PSAT1: variants seen among roughly 807,000 people sequenced by gnomAD.
PSAT1 encodes the protein phosphoserine aminotransferase.
A neutral mutation model predicts 40.3 loss-of-function variants in PSAT1; 41 were observed. The ratio of observed to expected loss-of-function variants is 1.02; its 90% CI spans 0.79 to 1.32. The LOEUF (loss-of-function observed/expected upper bound fraction) is 1.32. PSAT1 is among the 40% of genes most tolerant of loss of function. The pLI, the probability that PSAT1 is intolerant of heterozygous loss-of-function variation, is 0.00. For synonymous variants in PSAT1, 147 were observed against 170.5 expected (o/e 0.86, Z 1.07); for missense variants, 406 against 455.8 (o/e 0.89, Z 0.99).
chr9:78,328,181 G>C lies in PSAT1; in HGVS notation c.1000G>C (p.Gly334Arg). ...TGAACTCAATATGTTGTCCTTGAAAGGGCATAGGTGAGTACATCTGCAATG... is the reference window on the plus strand; with the variant it reads ...TGAACTCAATATGTTGTCCTTGAAACGGCATAGGTGAGTACATCTGCAATG... ...ALELNMLSLKGHRSVGGIRAS... is the reference protein window; with the variant it reads ...ALELNMLSLKRHRSVGGIRAS... Residue 334 changes from glycine to arginine, a missense_variant, in exon 8 of 9, where the codon GGG becomes CGG. Coordinates refer to ENST00000376588, the MANE Select transcript of PSAT1 (RefSeq NM_058179.4). 6.2e-7 allele frequency: 1 copy of C among 1,613,990 alleles called. No homozygotes were observed. The highest frequency in any genetic ancestry group is 8.5e-7 in the Non-Finnish European group (1 of 1,180,018).
intron 7 of PSAT1, among the ~76,000 whole-genome samples, chr9:78,324,831 A>G (rs1828474336): frequency 6.6e-6 from 1 of 151,924 alleles, no homozygotes; most frequent in African/African-American, 2.4e-5. Context: ...CACCTTCCAC[A>G]CCGGCCCGTC....
intron 1 of PSAT1, among the ~76,000 whole-genome samples, chr9:78,300,222 T>C (rs1377181981): frequency 6.6e-6 from 1 of 152,116 alleles, no homozygotes; most frequent in Non-Finnish European, 1.5e-5. Flanking sequence ...GAAAATTGAG[T>C]TACCTGTATA....
intron 6 of PSAT1, among the ~76,000 whole-genome samples, chr9:78,315,270 G>C (rs75646838): frequency 2.0e-5 from 3 of 152,194 alleles, no homozygotes; most frequent in African/African-American, 4.8e-5. Flanking sequence ...AGTCAGACAG[G>C]CTAGAGTTGG....
intron 7 of PSAT1, among the ~76,000 whole-genome samples, chr9:78,326,955 A>ATATATATATATATATATTTTTT: frequency 1.3e-5 from 1 of 75,960 alleles, no homozygotes; most frequent in African/African-American, 9.5e-5. Flanking sequence ...ATATATATAT[A>ATATATATATATATATATTTTTT]TTTTTTTTTT....
At chr9:78,299,208 C>T (rs1419670450) in intron 1 of PSAT1, among the ~76,000 whole-genome samples, 1 of 69,240 alleles carries the variant, frequency 1.4e-5, no homozygotes, top group Non-Finnish European at 2.8e-5. Flanking sequence ...CATTCTTCAA[C>T]TGGAAAAAAA....
intron 7 of PSAT1, among the ~76,000 whole-genome samples, chr9:78,319,502 G>A (rs529118090): frequency 3.9e-5 from 6 of 152,374 alleles, no homozygotes; most frequent in Non-Finnish European, 1.5e-5. Flanking sequence ...CAGGCTGGGG[G>A]CTCAGTGCTG....
intron 6 of PSAT1, among the ~76,000 whole-genome samples, chr9:78,314,076 A>G (rs984852505): frequency 1.3e-5 from 2 of 152,254 alleles, no homozygotes; most frequent in Non-Finnish European, 2.9e-5. Context: ...ATGAAGGCAT[A>G]AGTCTTAAAA....
chr9:78,304,408 C>T (rs979513975), intron 3 of PSAT1, among the ~76,000 whole-genome samples: 1 of 152,184 alleles, frequency 6.6e-6, no homozygotes, highest in African/African-American at 2.4e-5. Flanking sequence ...TCCCCTTGAG[C>T]CAGGGTTGAC....
chr9:78,301,966 G>C lies in PSAT1; in HGVS notation c.134G>C (p.Arg45Thr). Residue 45 changes from arginine (R) to threonine (T), a missense_variant, in exon 3 of 9, where the codon AGG becomes ACG. By Grantham distance (71) the Arg-to-Thr change is moderately conservative. Transcript: ENST00000376588. ...VGISVLEMSHRSSDFAKIINN... is the reference protein window; with the variant it reads ...VGISVLEMSHTSSDFAKIINN... ...TTTCCTTTCACAGAAATGAGTCACA[G>C]GTCATCAGATTTTGCCAAGATTATT... The C allele has an allele frequency of 6.2e-7, 1 of 1,610,328 alleles. No individual in the cohort carries two copies. Among genetic ancestry groups the C allele is most frequent in the Non-Finnish European group, 8.5e-7 (1 of 1,176,722 alleles).
At chr9:78,325,949 T>G (rs1359500437) in intron 7 of PSAT1, among the ~76,000 whole-genome samples, 1 of 152,234 alleles carries the variant, frequency 6.6e-6, no homozygotes, top group East Asian at 1.9e-4. Context: ...TTAAATGTGC[T>G]TTTTGTTGCT....
chr9:78,311,955 G>C (rs1330875255), intron 6 of PSAT1, among the ~76,000 whole-genome samples: 4 of 152,246 alleles, frequency 2.6e-5, no homozygotes, highest in Admixed American at 6.5e-5. Context: ...CCCCTCCCCA[G>C]TCCGTGATGT....
Position 78,308,418 on chromosome 9 carries a change from G to T in PSAT1, c.575G>T (p.Gly192Val). 1.2e-6 allele frequency: 2 copies of T among 1,613,374 alleles called. No homozygotes were observed. Among genetic ancestry groups the T allele is most frequent in the South Asian group, 1.1e-5 (1 of 91,016 alleles). ...LSKPVDVSKF[G>V]VIFAGAQKNV... ...GCATGTCTTTCTCTTTTTAAGTTTGGTGTGATTTTTGCTGGTGCCCAGAAG... is the reference window on the plus strand; with the variant it reads ...GCATGTCTTTCTCTTTTTAAGTTTGTTGTGATTTTTGCTGGTGCCCAGAAG... The change falls in exon 6 of 9, where the codon GGT (glycine) becomes GTT (valine). Residue 192 changes from glycine to valine, a missense_variant. By Grantham distance (109) the Gly-to-Val change is moderately radical (BLOSUM62 -3). Transcript: ENST00000376588.
At chr9:78,325,933 G>C (rs1411918) in intron 7 of PSAT1, among the ~76,000 whole-genome samples, 65,260 of 152,000 alleles carry the variant, frequency 0.43, 15,234 homozygotes, top group African/African-American at 0.6. Context: ...ATTTTTTTCT[G>C]TTAAGTTAAA....
At chr9:78,316,972 C>G (rs572972827) in intron 6 of PSAT1, among the ~76,000 whole-genome samples, 1 of 151,844 alleles carries the variant, frequency 6.6e-6, no homozygotes, top group Non-Finnish European at 1.5e-5. Flanking sequence ...ATGGGCAAGG[C>G]GCTCTGGGAG....
At chr9:78,325,438 T>C (rs1049001142) in intron 7 of PSAT1, among the ~76,000 whole-genome samples, 2 of 152,222 alleles carry the variant, frequency 1.3e-5, no homozygotes, top group South Asian at 2.1e-4. Flanking sequence ...CTGTAGGTCT[T>C]CCAGCCACCC....
At chr9:78,301,864 T>C (rs1488344851) in intron 2 of PSAT1, 90 bp from the exon 3 acceptor site, 1 of 991,910 alleles carries the variant, frequency 1.0e-6, no homozygotes, top group African/African-American at 1.6e-5. Context: ...TTCCCTGTAT[T>C]GTTGTTTACT....
chr9:78,299,602 T>G (rs1828078465), intron 1 of PSAT1, among the ~76,000 whole-genome samples: 1 of 139,182 alleles, frequency 7.2e-6, no homozygotes, highest in Non-Finnish European at 1.5e-5. Context: ...AACCTCCGCC[T>G]CCCGGGTTCC....
At chr9:78,313,145 C>G (rs2118666607) in intron 6 of PSAT1, among the ~76,000 whole-genome samples, 1 of 152,288 alleles carries the variant, frequency 6.6e-6, no homozygotes, top group South Asian at 2.1e-4. Context: ...GCGGGCAGAT[C>G]ACCTGAGGTC....
At position 78,329,221 on chromosome 9, in the gene PSAT1, G is replaced by A. The variant is rs767572870; in HGVS notation, c.*135G>A. On this transcript the variant is annotated 3_prime_UTR_variant, in exon 9 of 9. Transcript: ENST00000376588. ...TATTGCAGATTCTTCTTTTTTGAAA[G>A]AACAACAGCAAAACATCCACAACTC... The A allele has an allele frequency of 9.9e-6, 7 of 705,816 alleles. No homozygotes were observed. The highest frequency in any genetic ancestry group is 8.1e-5 in the East Asian group (3 of 36,910). 43.7% of individuals were successfully genotyped at this position (705,816 alleles called of 1,614,324 possible).
Sources: allele counts gnomAD v4.1 joint callset (sites outside exome capture counted in the v4.1 genomes callset), GRCh38; gene constraint gnomAD v4.1.1; transcripts MANE v1.5; gene names NCBI Gene and HGNC (gene_info 2026-07-23, HGNC 2026-07-21).